Variants in GKN1 observed in about 807,000 individuals in gnomAD.
GKN1 encodes gastrokine-1.
GKN1 carries 17 observed loss-of-function variants against 19.7 expected under a neutral mutation model. The observed-to-expected ratio is 0.86, with a 90% CI of 0.59 to 1.29. GKN1 has a LOEUF of 1.29. Ranked by LOEUF, GKN1 falls within the 50% of genes most tolerant of loss-of-function variation. The pLI, the probability that GKN1 is intolerant of heterozygous loss-of-function variation, is 0.00. For missense variants in GKN1, 218 were observed against 224.5 expected, an observed-to-expected ratio of 0.97 and a Z score of 0.19; for synonymous variants, 96 against 78.3, an observed-to-expected ratio of 1.23 and a Z score of -1.20.
chr2:68,979,668 T>G (rs1286803255), intron 4 of GKN1, among the ~76,000 whole-genome samples: 1 of 152,210 alleles, frequency 6.6e-6, no homozygotes, highest in African/African-American at 2.4e-5. Flanking sequence ...GCAGAATAAA[T>G]TAAGCCTCAG....
At chr2:68,978,770 G>C in intron 3 of GKN1, 101 bp from the exon 4 acceptor site, 1 of 639,084 alleles carries the variant, frequency 1.6e-6, no homozygotes, top group Non-Finnish European at 2.8e-6. Context: ...AGCTCATCAC[G>C]ATCTTGGAGT....
rs569752895 is a variant in GKN1, at chr2:68,976,271, A to C, written c.13-1224A>C. Reference sequence around the variant, plus strand: ...TTAGCACTTATAGCCATCTCAAACCATAGTATTCATTTATACTATGCTATT... The same window carrying C: ...TTAGCACTTATAGCCATCTCAAACCCTAGTATTCATTTATACTATGCTATT... On this transcript the variant is annotated intron_variant, in intron 1 of 5. Transcript: ENST00000377938. Among the ~76,000 whole-genome samples, 5 of 152,294 alleles carry C rather than the reference A, an allele frequency of 3.3e-5. No homozygotes were observed. In the South Asian group the frequency reaches 1.0e-3, roughly 32 times the overall value.
intron 4 of GKN1, 87 bp downstream of exon 4, chr2:68,979,068 T>C: frequency 4.3e-6 from 3 of 700,624 alleles, no homozygotes; most frequent in Non-Finnish European, 7.7e-6. Flanking sequence ...TCATTCCCTC[T>C]TGACTACAGT....
chr2:68,978,938 T>G lies in GKN1; in HGVS notation c.272T>G (p.Met91Arg). The G allele has an allele frequency of 6.2e-7, 1 of 1,609,014 alleles. No individual in the cohort carries two copies. Among genetic ancestry groups the G allele is most frequent in the Non-Finnish European group, 8.5e-7 (1 of 1,175,578 alleles). ...GTGCACAAAATGAACAAGGAAGTCA[T>G]GCCCTCCATTCAATCCCTTGATGCA... ...CIVHKMNKEV[M>R]PSIQSLDALV... Residue 91 changes from methionine (M) to arginine (R), a missense_variant, in exon 4 of 6, where the codon ATG becomes AGG. Coordinates refer to ENST00000377938, the MANE Select transcript of GKN1 (RefSeq NM_019617.4).
At chr2:68,975,600 A>G (rs1446987447) in intron 1 of GKN1, among the ~76,000 whole-genome samples, 2 of 152,192 alleles carry the variant, frequency 1.3e-5, no homozygotes, top group Non-Finnish European at 2.9e-5. Context: ...GGGGCTGCAA[A>G]TGTAAAATGA....
In GKN1 at chr2:68,977,631, C is replaced by G; in HGVS notation, c.67-6C>G. On this transcript the variant is annotated splice_region_variant and splice_polypyrimidine_tract_variant and intron_variant, in intron 2 of 5. Transcript: ENST00000377938. ...TAAATCACTCTCAATCTCTTATAAA[C>G]TTCAGAATATCAACGTCAATGATGA... The G allele has an allele frequency of 6.2e-7, 1 of 1,610,158 alleles. No homozygotes were observed. The highest frequency in any genetic ancestry group is 8.5e-7 in the Non-Finnish European group (1 of 1,176,472).
Position 68,975,154 on chromosome 2 carries a change from C to T in GKN1, c.12+465C>T, listed in dbSNP as rs563589757. Among the ~76,000 whole-genome samples the T allele has an allele frequency of 2.0e-5, 3 of 152,252 alleles. No individual in the cohort carries two copies. In the East Asian group the frequency reaches 5.8e-4, roughly 29 times the overall value. The stretch of plus-strand genomic sequence containing the variant: ...GCATCACCTGATTCCGGTCTCCATG[C>T]AGGGTAAGCAGTTCCTAAGCCCTAG... On this transcript the variant is annotated intron_variant, in intron 1 of 5. Coordinates refer to ENST00000377938, the MANE Select transcript of GKN1 (RefSeq NM_019617.4).
intron 1 of GKN1, among the ~76,000 whole-genome samples, chr2:68,976,383 C>T (rs1364374134): frequency 6.6e-6 from 1 of 151,986 alleles, no homozygotes; most frequent in East Asian, 1.9e-4. Flanking sequence ...GGGGCACTGA[C>T]CAAAATTCAA....
At chr2:68,976,897 C>T (rs933823852) in intron 1 of GKN1, among the ~76,000 whole-genome samples, 3 of 152,066 alleles carry the variant, frequency 2.0e-5, no homozygotes, top group African/African-American at 7.2e-5. Flanking sequence ...TAATATAATT[C>T]AACAAAACAG....
At chr2:68,979,107 A>G in intron 4 of GKN1, 126 bp downstream of exon 4, 2 of 550,840 alleles carry the variant, frequency 3.6e-6, no homozygotes, top group Non-Finnish European at 6.6e-6. Context: ...CAAAGGGGGA[A>G]GTTATTGGTG....
Position 68,980,808 on chromosome 2 carries a change from C to T in GKN1, c.543C>T (p.Asp181=), listed in dbSNP as rs905028659. 8.4e-6 allele frequency: 13 copies of T among 1,548,400 alleles called. No individual in the cohort carries two copies. In the African/African-American group the frequency reaches 1.6e-4, roughly 19 times the overall value. The change falls in exon 6 of 6, where the codon GAC becomes GAT. Residue 181 remains aspartate (D), a synonymous_variant. Transcript: ENST00000377938. ...LWIVDISFCG[D]TVEN is the part of the protein sequence containing the mutation. ...TTGTGGACATTTCCTTCTGTGGAGA[C>T]ACGGTGGAGAACTAAACAATTTTTT...
At chr2:68,975,909 C>A (rs1670256659) in intron 1 of GKN1, among the ~76,000 whole-genome samples, 1 of 152,076 alleles carries the variant, frequency 6.6e-6, no homozygotes, top group Non-Finnish European at 1.5e-5. Context: ...ATCTCTAGAG[C>A]AGTTCTCAAA....
At chr2:68,977,795 T>G (rs1228851649) in intron 3 of GKN1, 21 bp downstream of exon 3, 19 of 1,572,294 alleles carry the variant, frequency 1.2e-5, no homozygotes, top group Non-Finnish European at 1.5e-5. Flanking sequence ...AACGTGCAAT[T>G]TTCACTTTAT....
chr2:68,978,271 GGAAAGAAAGAAA>G lies in GKN1; in HGVS notation c.204+512_204+523del, dbSNP rs773400726. ...AGGAAAGAAAGAAAGAAGGAAGGAA[GGAAAGAAAGAAA>G]GAAAGAAAGAAAGAGAGAGAAAGAA... On this transcript the variant is annotated intron_variant, in intron 3 of 5. Transcript: ENST00000377938. Among the ~76,000 whole-genome samples the G allele has an allele frequency of 2.2e-4, 19 of 87,228 alleles. 1 individual carries two copies. Among genetic ancestry groups the G allele is most frequent in the African/African-American group, 4.5e-4 (7 of 15,556 alleles). 57.2% of individuals were successfully genotyped at this position (87,228 alleles called of 152,430 possible). A position where few individuals can be genotyped will look rare whatever the true frequency, so the allele number is the denominator to read the frequency against.
chr2:68,975,775 T>C (rs1670251429), intron 1 of GKN1, among the ~76,000 whole-genome samples: 1 of 152,210 alleles, frequency 6.6e-6, no homozygotes, highest in East Asian at 1.9e-4. Flanking sequence ...ATCTGTAAAA[T>C]GATTGCATTG....
At position 68,980,726 on chromosome 2, in the gene GKN1, T is replaced by C. The variant is rs1312375564; in HGVS notation, c.464-3T>C. 6.8e-7 allele frequency: 1 copy of C among 1,477,094 alleles called. No individual in the cohort carries two copies. Among genetic ancestry groups the C allele is most frequent in the East Asian group, 2.3e-5 (1 of 44,226 alleles). The allele number at this position is 1,477,094 out of a possible 1,614,324, so 91.5% of individuals were successfully genotyped here. A position where few individuals can be genotyped will look rare whatever the true frequency, so the allele number is the denominator to read the frequency against. ...TATAGGCTTCTTCTTTTCTCTTTAT[T>C]AGAGGCAAGCCTGTTTTTTTACTCA... On this transcript the variant is annotated splice_polypyrimidine_tract_variant and splice_region_variant and intron_variant, in intron 5 of 5. Transcript: ENST00000377938.
Position 68,979,993 on chromosome 2 carries a change from C to T in GKN1, c.396C>T (p.Ser132=). The part of the protein sequence containing the change: ...SVNPNKVDDL[S]KFGKNIANMC... The stretch of plus-strand genomic sequence containing the variant: ...ACCCAAACAAAGTCGATGACCTGAG[C>T]AAGTTCGGAAAAAACATTGCAAACA... Residue 132 remains serine, a synonymous_variant, in exon 5 of 6, where the codon AGC becomes AGT. Transcript: ENST00000377938. 6.2e-7 allele frequency: 1 copy of T among 1,613,784 alleles called. No individual in the cohort carries two copies. The highest frequency in any genetic ancestry group is 2.2e-5 in the East Asian group (1 of 44,880).
chr2:68,975,232 C>T (rs1020412971), intron 1 of GKN1, among the ~76,000 whole-genome samples: 2 of 152,076 alleles, frequency 1.3e-5, no homozygotes, highest in Admixed American at 1.3e-4. Context: ...TACCAAAATT[C>T]CTGAGCATGT....
intron 1 of GKN1, among the ~76,000 whole-genome samples, chr2:68,975,513 G>A (rs1181741561): frequency 6.6e-6 from 1 of 152,102 alleles, no homozygotes; most frequent in African/African-American, 2.4e-5. Context: ...ATGCAAAGGG[G>A]CTAGAATCAG....
Sources: allele counts gnomAD v4.1 joint callset (sites outside exome capture counted in the v4.1 genomes callset), GRCh38; gene constraint gnomAD v4.1.1; transcripts MANE v1.5; gene names NCBI Gene and HGNC (gene_info 2026-07-23, HGNC 2026-07-21).